The following ARHGAP22 variants were observed in gnomAD, a reference collection of about 807,000 sequenced individuals.
ARHGAP22 encodes rho GTPase-activating protein 22.
ARHGAP22 carries 48 observed loss-of-function variants against 59.1 expected under a neutral mutation model. The observed-to-expected ratio is 0.81, with a 90% CI of 0.64 to 1.03. ARHGAP22 has a LOEUF of 1.03. ARHGAP22 is among the 50% of genes least tolerant of loss of function. The pLI is 0.00. For synonymous variants in ARHGAP22, 445 were observed against 416.4 expected (o/e 1.07, Z -0.84); for missense variants, 1,015 against 958.7 (o/e 1.06, Z -0.78).
chr10:48,596,268 C>T (rs751286694), intron 1 of ARHGAP22, among the ~76,000 whole-genome samples: 7 of 152,266 alleles, frequency 4.6e-5, no homozygotes, highest in Non-Finnish European at 8.8e-5. Context: ...GATTATGGGG[C>T]CTCCCGTATG....
intron 1 of ARHGAP22, among the ~76,000 whole-genome samples, chr10:48,643,402 A>G (rs1589295867): frequency 6.6e-6 from 1 of 152,188 alleles, no homozygotes; most frequent in South Asian, 2.1e-4. Flanking sequence ...GCATGTATAA[A>G]CCATGGAATA....
chr10:48,590,590 G>A (rs2059692527), intron 1 of ARHGAP22, among the ~76,000 whole-genome samples: 1 of 152,138 alleles, frequency 6.6e-6, no homozygotes. Flanking sequence ...CTATATTGCT[G>A]CAGCCCTGAG....
intron 3 of ARHGAP22, among the ~76,000 whole-genome samples, chr10:48,533,178 G>A (rs2055022811): frequency 1.5e-5 from 2 of 135,824 alleles, no homozygotes; most frequent in Non-Finnish European, 3.2e-5. Flanking sequence ...TCATTGTTCT[G>A]TTGTTTTTTT....
chr10:48,567,510 G>A (rs896366763), intron 2 of ARHGAP22, among the ~76,000 whole-genome samples: 4 of 152,210 alleles, frequency 2.6e-5, no homozygotes, highest in African/African-American at 9.7e-5. Context: ...ATCCCCTAGT[G>A]TTTAGCTTGC....
chr10:48,573,203 T>C (rs1371040399), intron 2 of ARHGAP22, among the ~76,000 whole-genome samples: 1 of 152,180 alleles, frequency 6.6e-6, no homozygotes, highest in African/African-American at 2.4e-5. Context: ...TAAACCTTCA[T>C]AGGGTAAAGT....
At chr10:48,539,985 A>G (rs17010614) in intron 3 of ARHGAP22, among the ~76,000 whole-genome samples, 5,895 of 152,276 alleles carry the variant, frequency 0.039, 150 homozygotes, top group Non-Finnish European at 0.06. Context: ...CCATTTTTCA[A>G]ATAAGGAGCC....
the ARHGAP22 span, chr10:48,431,084 A>G: frequency 1.0e-5 from 7 of 694,898 alleles, no homozygotes; most frequent in Non-Finnish European, 1.6e-5. Flanking sequence ...TTGTAAGGAC[A>G]CTGTTTGAAG....
chr10:48,610,396 C>T (rs10857609), intron 1 of ARHGAP22, among the ~76,000 whole-genome samples: 75,859 of 151,844 alleles, frequency 0.5, 19,120 homozygotes, highest in African/African-American at 0.55. Flanking sequence ...CAACCTGTAT[C>T]CTTGGGCATG....
chr10:48,634,972 C>T (rs2061757142), intron 1 of ARHGAP22, among the ~76,000 whole-genome samples: 1 of 152,110 alleles, frequency 6.6e-6, no homozygotes, highest in Non-Finnish European at 1.5e-5. Flanking sequence ...AAGAAGCTTG[C>T]TAACACATTG....
At chr10:48,566,981 T>G (rs1007241768) in intron 2 of ARHGAP22, among the ~76,000 whole-genome samples, 1 of 152,124 alleles carries the variant, frequency 6.6e-6, no homozygotes, top group African/African-American at 2.4e-5. Context: ...CAGCCTAAGC[T>G]GGAAACCCTG....
At chr10:48,511,521 C>G (rs2052766867) in intron 3 of ARHGAP22, 1 of 152,286 alleles carries the variant, frequency 6.6e-6, no homozygotes, top group Non-Finnish European at 1.5e-5. Flanking sequence ...CAGAAACAAC[C>G]TAATCTCAAA....
At chr10:48,608,351 T>C (rs1201739074), upstream of ARHGAP22, among the ~76,000 whole-genome samples, 1 of 152,060 alleles carries the variant, frequency 6.6e-6, no homozygotes, top group African/African-American at 2.4e-5. Context: ...GAGGCTGAAT[T>C]TGGGCTCCAT....
At chr10:48,495,558 C>T (rs1270923471) in intron 3 of ARHGAP22, among the ~76,000 whole-genome samples, 1 of 152,196 alleles carries the variant, frequency 6.6e-6, no homozygotes, top group Non-Finnish European at 1.5e-5. Flanking sequence ...GATCTGAATG[C>T]CCCAGGCAGT....
At chr10:48,599,930 A>G (rs2060284800) in intron 1 of ARHGAP22, among the ~76,000 whole-genome samples, 1 of 152,204 alleles carries the variant, frequency 6.6e-6, no homozygotes, top group African/African-American at 2.4e-5. Context: ...CCCTGGGGGC[A>G]TGAGCTGTTC....
At chr10:48,622,655 T>A (rs1310105951) in intron 1 of ARHGAP22, among the ~76,000 whole-genome samples, 6 of 152,160 alleles carry the variant, frequency 3.9e-5, no homozygotes, top group Non-Finnish European at 5.9e-5. Flanking sequence ...ACTGGCTGAG[T>A]GGATCAGACT....
chr10:48,581,351 G>A (rs1278094349), intron 2 of ARHGAP22, among the ~76,000 whole-genome samples: 1 of 152,192 alleles, frequency 6.6e-6, no homozygotes, highest in African/African-American at 2.4e-5. Context: ...TGTCTCCCCA[G>A]TTTGCAAACT....
At chr10:48,454,271 A>C (rs1589441502) in intron 6 of ARHGAP22, 110 bp from the exon 7 acceptor site, 1 of 980,270 alleles carries the variant, frequency 1.0e-6, no homozygotes, top group Admixed American at 1.8e-5. Flanking sequence ...ACGGCAGCCC[A>C]GCCCCAACAG....
chr10:48,580,191 TG>T (rs755341781), intron 2 of ARHGAP22, among the ~76,000 whole-genome samples: 1 of 152,176 alleles, frequency 6.6e-6, no homozygotes, highest in East Asian at 1.9e-4. Context: ...CAGTTTAGAT[TG>T]GGCTTGAGGG....
intron 3 of ARHGAP22, among the ~76,000 whole-genome samples, chr10:48,484,075 G>A (rs564929393): frequency 1.3e-5 from 2 of 152,244 alleles, no homozygotes; most frequent in South Asian, 4.1e-4. Flanking sequence ...TGAGAGATGG[G>A]GTCTAGTCTC....
Sources: allele counts gnomAD v4.1 joint callset (sites outside exome capture counted in the v4.1 genomes callset), GRCh38; gene constraint gnomAD v4.1.1; transcripts MANE v1.5; gene names NCBI Gene and HGNC (gene_info 2026-07-23, HGNC 2026-07-21).